PTK2: variants seen among roughly 807,000 people sequenced by gnomAD.
PTK2 encodes the protein protein tyrosine kinase 2, also known as focal adhesion kinase 1.
In PTK2, 45 loss-of-function variants were observed where a neutral mutation model predicts 150.1. That is an observed-to-expected ratio of 0.30 (90% confidence interval 0.24 to 0.38). The LOEUF (loss-of-function observed/expected upper bound fraction) is 0.38, where lower values mean the gene tolerates loss of function less well. Ranked by LOEUF, PTK2 falls within the 10% of genes least tolerant of loss-of-function variation. The probability of loss-of-function intolerance (pLI) is 1.00; values close to 1 mark genes in which losing one functional copy is unlikely to be tolerated. For synonymous variants in PTK2, 432 were observed against 449.2 expected (o/e 0.96, Z 0.48); for missense variants, 919 against 1,307.3 (o/e 0.70, Z 4.58).
At chr8:140,919,359 A>T (rs899835061) in intron 2 of PTK2, among the ~76,000 whole-genome samples, 10 of 152,204 alleles carry the variant, frequency 6.6e-5, no homozygotes, top group Non-Finnish European at 4.4e-5. Flanking sequence ...TGTTTCCATC[A>T]ATCACTTTGG....
At chr8:140,669,506 T>C (rs1003873158) in intron 29 of PTK2, 6 of 522,380 alleles carry the variant, frequency 1.1e-5, no homozygotes, top group African/African-American at 3.9e-5. Flanking sequence ...GGGTATGAGA[T>C]AGAAAAGCAC....
At chr8:140,898,392 G>A (rs1036526127) in intron 2 of PTK2, among the ~76,000 whole-genome samples, 1 of 152,124 alleles carries the variant, frequency 6.6e-6, no homozygotes, top group African/African-American at 2.4e-5. Flanking sequence ...AATCACTGTA[G>A]GCAAGAGAGC....
intron 26 of PTK2, among the ~76,000 whole-genome samples, chr8:140,689,120 A>C (rs1343577795): frequency 2.6e-5 from 4 of 152,214 alleles, no homozygotes; most frequent in Non-Finnish European, 4.4e-5. Flanking sequence ...AAACACACGT[A>C]ATACATTGAT....
intron 1 of PTK2, among the ~76,000 whole-genome samples, chr8:140,959,827 G>A (rs2100182496): frequency 6.6e-6 from 1 of 151,224 alleles, no homozygotes; most frequent in Non-Finnish European, 1.5e-5. Context: ...ACTCCCCCTT[G>A]CCTGCCCCCC....
At chr8:140,795,073 TCTTA>T (rs955356920) in intron 12 of PTK2, among the ~76,000 whole-genome samples, 4 of 152,202 alleles carry the variant, frequency 2.6e-5, no homozygotes, top group Admixed American at 6.5e-5. Flanking sequence ...TCCAAAGTCC[TCTTA>T]CTTGTCACTG....
exon 26 of PTK2, chr8:140,700,939 C>G: frequency 6.2e-7 from 1 of 1,613,986 alleles, no homozygotes; most frequent in Non-Finnish European, 8.5e-7. Flanking sequence ...CTTCCATTTC[C>G]TGTTGCTGTC....
intron 2 of PTK2, among the ~76,000 whole-genome samples, chr8:140,895,575 T>C (rs563951800): frequency 1.3e-5 from 2 of 151,572 alleles, no homozygotes; most frequent in Admixed American, 1.3e-4. Context: ...GAAGCGAAGG[T>C]TGAGTATCTC....
intron 22 of PTK2, among the ~76,000 whole-genome samples, chr8:140,726,213 G>A (rs996383922): frequency 1.8e-4 from 28 of 152,060 alleles, no homozygotes; most frequent in African/African-American, 6.8e-4. Flanking sequence ...ATGGGGAGAG[G>A]AGGAAGAGGA....
At chr8:140,707,080 G>C (rs1564786744) in intron 23 of PTK2, among the ~76,000 whole-genome samples, 1 of 152,148 alleles carries the variant, frequency 6.6e-6, no homozygotes. Context: ...AACATTCTAA[G>C]TGAAAAAAGC....
chr8:140,719,405 C>T (rs903661632), intron 22 of PTK2, among the ~76,000 whole-genome samples: 14 of 152,030 alleles, frequency 9.2e-5, no homozygotes. Flanking sequence ...GTCCCATGTG[C>T]CAGGCCCAGG....
At position 140,781,795 on chromosome 8, in the gene PTK2, T is replaced by C. The variant is rs567780921; in HGVS notation, c.1177+7679A>G. 2.0e-5 allele frequency among the ~76,000 whole-genome samples: 3 copies of C among 152,340 alleles called. No homozygotes were observed. The South Asian group carries it at 6.2e-4, about 32-fold the overall frequency. ...TTCTTTACAACATACGATGCTGATA[T>C]TTCAAAACCTATATGACCTCCAAGT... On this transcript the variant is annotated intron_variant, in intron 14 of 31. Transcript: ENST00000522684.
chr8:140,679,932 A>G (rs1285116963), intron 27 of PTK2, among the ~76,000 whole-genome samples: 1 of 152,196 alleles, frequency 6.6e-6, no homozygotes, highest in Non-Finnish European at 1.5e-5. Flanking sequence ...AGGGAAAAAA[A>G]TCAAATGGTC....
intron 7 of PTK2, among the ~76,000 whole-genome samples, chr8:140,840,256 C>T (rs932380368): frequency 6.6e-6 from 1 of 152,100 alleles, no homozygotes; most frequent in Non-Finnish European, 1.5e-5. Context: ...GATGAGGTCT[C>T]GCTATGCTAT....
At chr8:140,732,864 C>G (rs1405242513) in intron 22 of PTK2, among the ~76,000 whole-genome samples, 1 of 152,010 alleles carries the variant, frequency 6.6e-6, no homozygotes, top group African/African-American at 2.4e-5. Context: ...GTGAAAGAAG[C>G]CGAGAAAGAT....
At chr8:140,752,921 T>G (rs1593890928) in intron 16 of PTK2, among the ~76,000 whole-genome samples, 1 of 151,634 alleles carries the variant, frequency 6.6e-6, no homozygotes, top group Non-Finnish European at 1.5e-5. Context: ...GGGTGGAAGG[T>G]AGGAGGGTGA....
Position 140,889,012 on chromosome 8 carries a change from C to T in PTK2, c.195+1531G>A, listed in dbSNP as rs551006317. Among the ~76,000 whole-genome samples, 126 of 151,882 alleles carry T rather than the reference C, an allele frequency of 8.3e-4. 1 individual carries two copies. Among genetic ancestry groups the T allele is most frequent in the Non-Finnish European group, 1.5e-3 (103 of 67,978 alleles). ...AGGATGCTCATTGCAGGCCTTTCTA[C>T]CAAATGACAGTGTTTTATAAAGTTA... On this transcript the variant is annotated intron_variant, in intron 3 of 31. Coordinates refer to ENST00000522684, the Ensembl canonical transcript of PTK2.
chr8:140,909,549 CT>C (rs1034852655), intron 2 of PTK2: 2 of 152,186 alleles, frequency 1.3e-5, no homozygotes, highest in Admixed American at 6.5e-5. Flanking sequence ...GGAGCAGTAC[CT>C]GTCATTTAAT....
intron 30 of PTK2, among the ~76,000 whole-genome samples, chr8:140,666,646 G>A (rs1436990904): frequency 6.6e-5 from 10 of 152,162 alleles, no homozygotes; most frequent in Admixed American, 2.6e-4. Flanking sequence ...AGAATATGGA[G>A]AAACTGGAAC....
chr8:140,788,286 C>T (rs1320604253), intron 14 of PTK2, among the ~76,000 whole-genome samples: 1 of 152,200 alleles, frequency 6.6e-6, no homozygotes, highest in Non-Finnish European at 1.5e-5. Flanking sequence ...CAGTATAACA[C>T]ATCATTCACC....
Sources: gnomAD v4.1 joint callset for allele counts (sites outside exome capture counted in the v4.1 genomes callset) on GRCh38, gnomAD v4.1.1 for gene constraint, MANE v1.5 for transcripts, NCBI Gene and HGNC (gene_info 2026-07-23, HGNC 2026-07-21) for gene names.